The following MAX variants were observed in gnomAD, a reference collection of about 807,000 sequenced individuals.
The protein encoded by MAX is protein max.
MAX carries 3 observed loss-of-function variants against 22.3 expected under a neutral mutation model. The observed-to-expected ratio is 0.13, with a 90% CI of 0.06 to 0.35. The LOEUF (loss-of-function observed/expected upper bound fraction) is 0.35, where lower values mean the gene tolerates loss of function less well. Among genes scored for constraint, MAX ranks in the 10% least tolerant of loss-of-function variants. MAX has a pLI of 1.00. For missense variants in MAX, 119 were observed against 209.4 expected, an observed-to-expected ratio of 0.57 and a Z score of 2.66; for synonymous variants, 72 against 77.7, an observed-to-expected ratio of 0.93 and a Z score of 0.39.
chr14:65,089,137 A>T (rs2063426193), intron 3 of MAX, among the ~76,000 whole-genome samples: 1 of 152,182 alleles, frequency 6.6e-6, no homozygotes, highest in Admixed American at 6.5e-5. Flanking sequence ...ACAAGGTCTT[A>T]CTTATATAGT....
At position 65,069,419 on chromosome 14, in the gene MAX, G is replaced by A. The variant is rs1022535050; in HGVS notation, c.171+24289C>T. ...AGGGCCCATCTCCTGAACTCCTCTG[G>A]CATTCAGAGCCCAGACGTGCATTTG... On this transcript the variant is annotated intron_variant, in intron 3 of 3. Coordinates refer to the MAX transcript ENST00000341653. This position sits in a 1 kb window ranked among gnomAD's most constrained non-coding sequence, Gnocchi z 4.6. Among the ~76,000 whole-genome samples the A allele has an allele frequency of 6.6e-6, 1 of 152,178 alleles. No homozygotes were observed. Among genetic ancestry groups the A allele is most frequent in the Non-Finnish European group, 1.5e-5 (1 of 68,034 alleles).
intron 2 of MAX, among the ~76,000 whole-genome samples, chr14:65,096,788 GTAA>G (rs1360675153): frequency 6.6e-6 from 1 of 152,160 alleles, no homozygotes; most frequent in Non-Finnish European, 1.5e-5. Context: ...ATGATGTTCA[GTAA>G]TGAAAACAAA....
At chr14:65,021,405 CG>C (rs2061884153) in intron 3 of MAX, among the ~76,000 whole-genome samples, 1 of 152,148 alleles carries the variant, frequency 6.6e-6, no homozygotes, top group African/African-American at 2.4e-5. Flanking sequence ...AGCTTATCCC[CG>C]GAATAGCCCC....
At chr14:65,015,867 G>A in intron 3 of MAX, 1 of 779,212 alleles carries the variant, frequency 1.3e-6, no homozygotes, top group Middle Eastern at 3.2e-4. Context: ...GCAACTTCCT[G>A]AAACTCCTCC....
chr14:65,071,005 T>A (rs144180308), downstream of MAX, among the ~76,000 whole-genome samples: 1 of 152,262 alleles, frequency 6.6e-6, no homozygotes, highest in South Asian at 2.1e-4. The surrounding 1 kb of genome is among the most constrained non-coding windows in gnomAD (Gnocchi z 4.2). Flanking sequence ...AACAGATTTG[T>A]GGTCTTGCTC....
In MAX at chr14:65,075,606, T is replaced by C. The variant is rs899851478; in HGVS notation, c.*870A>G. On this transcript the variant is annotated 3_prime_UTR_variant, in exon 5 of 5. Transcript: ENST00000358664. This position sits in a 1 kb window ranked among gnomAD's most constrained non-coding sequence, Gnocchi z 4.1. ...CAAGACCGACATCATCAGAAATAGG[T>C]ACAATTCACTCAGATTCAAATTTAA... 9.4e-6 allele frequency: 10 copies of C among 1,066,194 alleles called. No homozygotes were observed. In the African/African-American group the frequency reaches 1.3e-4, roughly 14 times the overall value. The allele number at this position is 1,066,194 out of a possible 1,614,324, so 66.0% of individuals were successfully genotyped here.
intron 3 of MAX, among the ~76,000 whole-genome samples, chr14:65,037,488 G>T (rs1180497018): frequency 8.2e-6 from 1 of 121,908 alleles, no homozygotes; most frequent in Non-Finnish European, 1.6e-5. Context: ...AGATTGGAGT[G>T]CAGTGACACG....
chr14:65,008,784 G>A (rs2061637023), intron 3 of MAX, among the ~76,000 whole-genome samples: 2 of 152,204 alleles, frequency 1.3e-5, no homozygotes, highest in African/African-American at 4.8e-5. Context: ...ATTGTGAAGA[G>A]TCTGGAAGCC....
In MAX at chr14:65,029,057, G is replaced by T. The variant is rs1239400277; in HGVS notation, c.172-22773C>A. 2.6e-5 allele frequency among the ~76,000 whole-genome samples: 4 copies of T among 151,726 alleles called. No homozygotes were observed. Among genetic ancestry groups the T allele is most frequent in the African/African-American group, 9.7e-5 (4 of 41,232 alleles). ...CTTTATTTATATGTTCTAGATAAAT[G>T]CTAGGAAACTTCTCCAGTAAGGCAG... On this transcript the variant is annotated intron_variant, in intron 3 of 3. Coordinates refer to the MAX transcript ENST00000341653. The surrounding 1 kb of genome is among the most constrained non-coding windows in gnomAD (Gnocchi z 4.7).
intron 2 of MAX, among the ~76,000 whole-genome samples, chr14:65,096,517 A>G (rs1488158138): frequency 2.0e-5 from 3 of 152,156 alleles, no homozygotes; most frequent in African/African-American, 7.2e-5. Flanking sequence ...ACCCAGACCA[A>G]TAACACTGCC....
chr14:65,077,252 T>C lies in MAX; in HGVS notation c.296-589A>G, dbSNP rs190410205. 2.1e-6 allele frequency: 2 copies of C among 972,846 alleles called. No individual in the cohort carries two copies. The highest frequency in any genetic ancestry group is 4.0e-5 in the Admixed American group (2 of 49,908). The allele number at this position is 972,846 out of a possible 1,614,324, so 60.3% of individuals were successfully genotyped here. A position where few individuals can be genotyped will look rare whatever the true frequency, so the allele number is the denominator to read the frequency against. ...CTGACACCACCCACTGCCCATCCCT[T>C]GGTTCAGCTCAGCTTGAGCCTGGAA... On this transcript the variant is annotated intron_variant, in intron 4 of 4. Transcript: ENST00000358664. This position sits in a 1 kb window ranked among gnomAD's most constrained non-coding sequence, Gnocchi z 6.3.
At chr14:65,021,312 T>G (rs2061882075) in intron 3 of MAX, among the ~76,000 whole-genome samples, 1 of 152,234 alleles carries the variant, frequency 6.6e-6, no homozygotes, top group Admixed American at 6.5e-5. Context: ...TTAGGACATT[T>G]CAGCTTGTAA....
chr14:65,030,052 T>C lies in MAX; in HGVS notation c.172-23768A>G, dbSNP rs2062049926. ...ATACATGAAAAGGTTGTATTACGTT[T>C]CCTCCCCATCTCAGCGTGAGACCTG... On this transcript the variant is annotated intron_variant, in intron 3 of 3. Transcript: ENST00000341653. The surrounding 1 kb of genome is among the most constrained non-coding windows in gnomAD (Gnocchi z 4.5). 6.6e-6 allele frequency among the ~76,000 whole-genome samples: 1 copy of C among 152,152 alleles called. No individual in the cohort carries two copies. The highest frequency in any genetic ancestry group is 2.4e-5 in the African/African-American group (1 of 41,438).
At chr14:65,053,644 A>T (rs1276650084) in intron 3 of MAX, among the ~76,000 whole-genome samples, 1 of 152,156 alleles carries the variant, frequency 6.6e-6, no homozygotes, top group East Asian at 1.9e-4. Flanking sequence ...ACAAAAAAAA[A>T]CTGATCTAAA....
At chr14:65,026,581 C>T (rs1005499025) in intron 3 of MAX, among the ~76,000 whole-genome samples, 3 of 152,124 alleles carry the variant, frequency 2.0e-5, no homozygotes, top group East Asian at 1.9e-4. Flanking sequence ...GTTTTTCAGC[C>T]GGATGCAGTG....
Position 65,027,230 on chromosome 14 carries a change from C to T in MAX, c.172-20946G>A, listed in dbSNP as rs772464470. On this transcript the variant is annotated intron_variant, in intron 3 of 3. Transcript: ENST00000341653. This position sits in a 1 kb window ranked among gnomAD's most constrained non-coding sequence, Gnocchi z 5.7. ...TGTTCCCTGCTTCATGACCAACAAGCGCTTAAGTACGAAACTCAGAGGAGG... is the reference window on the plus strand; with the variant it reads ...TGTTCCCTGCTTCATGACCAACAAGTGCTTAAGTACGAAACTCAGAGGAGG... 2.0e-5 allele frequency among the ~76,000 whole-genome samples: 3 copies of T among 152,104 alleles called. No individual in the cohort carries two copies. The highest frequency in any genetic ancestry group is 4.4e-5 in the Non-Finnish European group (3 of 68,014).
exon 4 of MAX, chr14:65,006,198 T>C: frequency 6.2e-7 from 1 of 1,613,780 alleles, no homozygotes; most frequent in Non-Finnish European, 8.5e-7. Context: ...AAGAAACTTT[T>C]TCTGATTAGC....
rs1382658005 is a variant in MAX, at chr14:65,047,339, A to G, written c.172-41055T>C. ...CTGATTGGCACTCACAAGGGTTAGTATGTGGTTGTGTGAATCCAGACTAGC... is the reference window on the plus strand; with the variant it reads ...CTGATTGGCACTCACAAGGGTTAGTGTGTGGTTGTGTGAATCCAGACTAGC... On this transcript the variant is annotated intron_variant, in intron 3 of 3. Transcript: ENST00000341653. The surrounding 1 kb of genome is among the most constrained non-coding windows in gnomAD (Gnocchi z 5.2). Among the ~76,000 whole-genome samples, 1 of 152,270 alleles carries G rather than the reference A, an allele frequency of 6.6e-6. No individual in the cohort carries two copies. The highest frequency in any genetic ancestry group is 1.5e-5 in the Non-Finnish European group (1 of 68,050).
intron 3 of MAX, among the ~76,000 whole-genome samples, chr14:65,066,628 G>C (rs2062933074): frequency 6.6e-6 from 1 of 152,114 alleles, no homozygotes; most frequent in Non-Finnish European, 1.5e-5. Context: ...GCCAAGACAG[G>C]CAGATCACCT....
Sources: gnomAD v4.1 joint callset for allele counts (sites outside exome capture counted in the v4.1 genomes callset) on GRCh38, gnomAD v4.1.1 for gene constraint, Gnocchi (gnomAD v3.1) non-coding constraint, MANE v1.5 for transcripts, NCBI Gene and HGNC (gene_info 2026-07-23, HGNC 2026-07-21) for gene names.